Variants in FARP1 observed in about 807,000 individuals in gnomAD.
FARP1 encodes FERM, ARH/RhoGEF and pleckstrin domain protein 1, also known as FERM, ARHGEF and pleckstrin domain-containing protein 1.
FARP1 carries 52 observed loss-of-function variants against 128.8 expected under a neutral mutation model. That is an observed-to-expected ratio of 0.40 (90% CI 0.32 to 0.51). The LOEUF is 0.51. Ranked by LOEUF, FARP1 falls within the 20% of genes least tolerant of loss-of-function variation. FARP1 has a pLI of 0.45. For synonymous variants in FARP1, 580 were observed against 551.8 expected, an observed-to-expected ratio of 1.05 and a Z score of -0.72; for missense variants, 1,333 against 1,367.9, an observed-to-expected ratio of 0.97 and a Z score of 0.40.
At chr13:98,296,807 C>G (rs565610502) in intron 2 of FARP1, among the ~76,000 whole-genome samples, 1 of 150,392 alleles carries the variant, frequency 6.6e-6, no homozygotes, top group Admixed American at 6.7e-5. Flanking sequence ...ACCTCTGCCT[C>G]TTGAGTAGCT....
rs544688391 is a variant in FARP1 at position 98,317,558 on chromosome 13, A to G, written c.172-26204A>G. Among the ~76,000 whole-genome samples the G allele has an allele frequency of 2.6e-5, 4 of 152,336 alleles. No individual in the cohort carries two copies. In the South Asian group the frequency reaches 8.3e-4, roughly 32 times the overall value. On this transcript the variant is annotated intron_variant, in intron 2 of 26. Transcript: ENST00000319562. The stretch of plus-strand genomic sequence containing the variant: ...TAGTCCAAGACCCTTTCCAGCTGAA[A>G]AGGTGATTGGTTGCTATCCACTTGT...
intron 2 of FARP1, among the ~76,000 whole-genome samples, chr13:98,265,859 G>A (rs1884089212): frequency 1.3e-5 from 2 of 152,182 alleles, no homozygotes; most frequent in Admixed American, 1.3e-4. Flanking sequence ...AGAGGAGGCA[G>A]CTGATATAAG....
chr13:98,329,129 C>A (rs1191635757), intron 2 of FARP1: 1 of 152,228 alleles, frequency 6.6e-6, no homozygotes, highest in African/African-American at 2.4e-5. Context: ...TGATGTGACA[C>A]GTTCATTCTG....
chr13:98,248,814 G>C (rs1883193226), intron 2 of FARP1, among the ~76,000 whole-genome samples: 1 of 151,936 alleles, frequency 6.6e-6, no homozygotes, highest in African/African-American at 2.4e-5. Flanking sequence ...GCGTTTTCGT[G>C]CTTTTTGTTG....
chr13:98,160,052 CCTAT>C (rs777582357), intron 1 of FARP1, among the ~76,000 whole-genome samples: 3 of 152,186 alleles, frequency 2.0e-5, no homozygotes, highest in Non-Finnish European at 4.4e-5. Flanking sequence ...AAGATACTGA[CCTAT>C]CTGATACACA....
At chr13:98,379,726 ATAAT>A (rs1176039940) in intron 6 of FARP1, among the ~76,000 whole-genome samples, 9 of 152,322 alleles carry the variant, frequency 5.9e-5, no homozygotes, top group South Asian at 2.1e-4. Context: ...GTTACTTATA[ATAAT>A]TAATCCAATG....
At chr13:98,446,493 C>A in intron 25 of FARP1, 173 bp from the exon 26 acceptor site, 1 of 664,946 alleles carries the variant, frequency 1.5e-6, no homozygotes, top group Non-Finnish European at 2.6e-6. Flanking sequence ...GCGGGACTTG[C>A]CACCCGGGCC....
chr13:98,431,298 G>A lies in FARP1; in HGVS notation c.2143+18G>A. On this transcript the variant is annotated intron_variant, in intron 18 of 26. Coordinates refer to ENST00000319562, the MANE Select transcript of FARP1 (RefSeq NM_005766.4). Reference sequence around the variant, plus strand: ...CTGCCGAGGTGAGTGCTGGGAGCCTGCGCCACCTGGTGCCCATGCCACAGT... The same window carrying A: ...CTGCCGAGGTGAGTGCTGGGAGCCTACGCCACCTGGTGCCCATGCCACAGT... The A allele has an allele frequency of 6.5e-7, 1 of 1,537,512 alleles. No individual in the cohort carries two copies. Among genetic ancestry groups the A allele is most frequent in the Admixed American group, 1.9e-5 (1 of 53,526 alleles).
chr13:98,444,564 G>A (rs886823636), intron 24 of FARP1, among the ~76,000 whole-genome samples: 2 of 152,228 alleles, frequency 1.3e-5, no homozygotes, highest in Non-Finnish European at 1.5e-5. Context: ...TAACACGCTG[G>A]AGGCCAGGAT....
intron 2 of FARP1, among the ~76,000 whole-genome samples, chr13:98,224,580 T>TTAC (rs1229077805): frequency 1.4e-5 from 2 of 147,102 alleles, no homozygotes; most frequent in Admixed American, 6.8e-5. Flanking sequence ...CAATAGGTAG[T>TTAC]TACTATCTTA....
chr13:98,196,436 C>T (rs1290399375), intron 1 of FARP1, among the ~76,000 whole-genome samples: 3 of 152,066 alleles, frequency 2.0e-5, no homozygotes, highest in Non-Finnish European at 4.4e-5. Context: ...AGTCTAATGG[C>T]GGTTGTGAGG....
chr13:98,237,596 C>T (rs902003026), intron 2 of FARP1, among the ~76,000 whole-genome samples: 13 of 152,120 alleles, frequency 8.5e-5, no homozygotes, highest in East Asian at 1.9e-4. Context: ...AGTGATCACT[C>T]GTGGTTCTTG....
intron 1 of FARP1, among the ~76,000 whole-genome samples, chr13:98,166,134 A>G (rs1455019440): frequency 2.0e-5 from 3 of 152,188 alleles, no homozygotes; most frequent in African/African-American, 7.2e-5. Context: ...ATTAGTACAT[A>G]CAGATTGGCC....
chr13:98,258,483 T>C (rs150889471), intron 2 of FARP1, among the ~76,000 whole-genome samples: 33 of 152,302 alleles, frequency 2.2e-4, no homozygotes, highest in Non-Finnish European at 4.1e-4. Context: ...TTTGTGACCT[T>C]GAATAGGTAT....
intron 2 of FARP1, among the ~76,000 whole-genome samples, chr13:98,219,586 G>T (rs553286599): frequency 6.6e-6 from 1 of 152,000 alleles, no homozygotes; most frequent in Non-Finnish European, 1.5e-5. Flanking sequence ...CTCCCGTTTG[G>T]CCTCCCAAAG....
At chr13:98,256,967 ATATATATATATATAT>A (rs1883643636) in intron 2 of FARP1, among the ~76,000 whole-genome samples, 1 of 134,786 alleles carries the variant, frequency 7.4e-6, no homozygotes, top group Non-Finnish European at 1.6e-5. Flanking sequence ...ATATATATAT[ATATATATATATATAT>A]ATATATATAC....
At chr13:98,174,938 G>A (rs1375832359) in intron 1 of FARP1, among the ~76,000 whole-genome samples, 2 of 152,078 alleles carry the variant, frequency 1.3e-5, no homozygotes, top group Non-Finnish European at 2.9e-5. Flanking sequence ...CCTCAACCAC[G>A]GCTCTGCTTT....
chr13:98,431,367 C>G, intron 18 of FARP1, 87 bp downstream of exon 18: 1 of 900,578 alleles, frequency 1.1e-6, no homozygotes, highest in African/African-American at 1.7e-5. Context: ...GGGAGGGGCT[C>G]CCCGGGGAGA....
At chr13:98,206,973 C>A (rs903116436) in intron 1 of FARP1, among the ~76,000 whole-genome samples, 2 of 152,068 alleles carry the variant, frequency 1.3e-5, no homozygotes, top group African/African-American at 4.8e-5. Flanking sequence ...ACACTAGAGG[C>A]CTTTCGGTTT....
Sources: gnomAD v4.1 joint callset for allele counts (sites outside exome capture counted in the v4.1 genomes callset) on GRCh38, gnomAD v4.1.1 for gene constraint, MANE v1.5 for transcripts, NCBI Gene and HGNC (gene_info 2026-07-23, HGNC 2026-07-21) for gene names.